The following PCNX4 variants were observed in gnomAD, a reference collection of about 807,000 sequenced individuals.
The protein encoded by PCNX4 is pecanex 4.
Under a neutral mutation model 107.2 loss-of-function variants are expected in PCNX4, and 103 were observed. That is an observed-to-expected ratio of 0.96 (90% CI 0.82 to 1.13). The LOEUF (loss-of-function observed/expected upper bound fraction) is 1.13, where lower values mean the gene tolerates loss of function less well. Ranked by LOEUF, PCNX4 falls within the 50% of genes most tolerant of loss-of-function variation. PCNX4 has a pLI of 0.00. For missense variants in PCNX4, 1,528 were observed against 1,379.4 expected (o/e 1.11, Z -1.71); for synonymous variants, 541 against 481.7 (o/e 1.12, Z -1.61).
At chr14:60,116,783 G>A (rs1271793466) in intron 6 of PCNX4, among the ~76,000 whole-genome samples, 3 of 152,138 alleles carry the variant, frequency 2.0e-5, no homozygotes, top group African/African-American at 7.2e-5. Context: ...CATAGGAGAT[G>A]ACAACTCCAT....
Position 60,147,399 on chromosome 14 carries a change from C to CA in PCNX4, c.*13185dup, listed in dbSNP as rs1194964454. ...AGATTTTAAGTGTTCTCACCACACACAAAAAAAGGTAACTGGGTGACATGT... is the reference window on the plus strand; with the variant it reads ...AGATTTTAAGTGTTCTCACCACACACAAAAAAAAGGTAACTGGGTGACATGT... On this transcript the variant is annotated 3_prime_UTR_variant, in exon 11 of 11. Transcript: ENST00000406854. 2 of 151,860 alleles carry CA rather than the reference C, an allele frequency of 1.3e-5. No homozygotes were observed. Among genetic ancestry groups the CA allele is most frequent in the African/African-American group, 2.4e-5 (1 of 41,348 alleles). The allele number at this position is 151,860 out of a possible 1,614,324, so 9.4% of individuals were successfully genotyped here. A position where few individuals can be genotyped will look rare whatever the true frequency, so the allele number is the denominator to read the frequency against.
At chr14:60,121,355 A>G (rs899970542) in intron 8 of PCNX4, 56 bp downstream of exon 8, 3 of 1,560,688 alleles carry the variant, frequency 1.9e-6, no homozygotes, top group East Asian at 2.3e-5. Context: ...GTAAAATTTT[A>G]CCTGTTATGT....
At position 60,108,045 on chromosome 14, in the gene PCNX4, A is replaced by G. The variant is rs753331079; in HGVS notation, c.407A>G (p.Tyr136Cys). The stretch of plus-strand genomic sequence containing the variant: ...AAATTTCTCATTCCTGGCAAGAAAT[A>G]TGTAGCCAATACAGTTTTTCATTCT... ...TVKFLIPGKK[Y>C]VANTVFHSIL... The change falls in exon 2 of 11, where the codon TAT becomes TGT. Residue 136 changes from tyrosine (Y) to cysteine (C), a missense_variant. Tyr to Cys is a radical substitution (Grantham distance 194). Coordinates refer to ENST00000406854, the MANE Select transcript of PCNX4 (RefSeq NM_001330177.2). 1.8e-5 allele frequency: 29 copies of G among 1,612,790 alleles called. No homozygotes were observed. Among genetic ancestry groups the G allele is most frequent in the Non-Finnish European group, 9.3e-6 (11 of 1,179,890 alleles).
intron 10 of PCNX4, chr14:60,126,055 C>T (rs1271985265): frequency 3.2e-6 from 1 of 315,792 alleles, no homozygotes; most frequent in Non-Finnish European, 5.8e-6. Flanking sequence ...GTTGTGTAGC[C>T]ATAGTGCAAT....
chr14:60,133,924 G>T, intron 10 of PCNX4, 46 bp from the exon 11 acceptor site: 1 of 1,533,410 alleles, frequency 6.5e-7, no homozygotes, highest in South Asian at 1.2e-5. Context: ...GACCTAAATG[G>T]AATCTCTTTT....
intron 2 of PCNX4, chr14:60,110,648 C>G (rs1895723652): frequency 6.0e-6 from 1 of 167,088 alleles, no homozygotes; most frequent in African/African-American, 2.4e-5. Context: ...TTCACAGATT[C>G]ACAGCTGGAG....
At chr14:60,101,224 A>T (rs906780004) in intron 1 of PCNX4, among the ~76,000 whole-genome samples, 1 of 152,166 alleles carries the variant, frequency 6.6e-6, no homozygotes, top group African/African-American at 2.4e-5. Flanking sequence ...AATGTATTTG[A>T]TGTCTTATGC....
Position 60,134,102 on chromosome 14 carries a change from G to A in PCNX4, c.3400G>A (p.Glu1134Lys). ...ACTTTATGCCACAAACGATGATGAA[G>A]AACGTTATAGTATACAAGCTCATCC... ...ELLYATNDDE[E>K]RYSIQAHPLL... The change falls in exon 11 of 11, where the codon GAA becomes AAA. Residue 1134 changes from glutamate to lysine, a missense_variant. Transcript: ENST00000406854. 2 of 1,613,882 alleles carry A rather than the reference G, an allele frequency of 1.2e-6. No homozygotes were observed. The highest frequency in any genetic ancestry group is 8.5e-7 in the Non-Finnish European group (1 of 1,179,812).
chr14:60,129,269 A>G (rs1896111910), intron 10 of PCNX4, among the ~76,000 whole-genome samples: 2 of 151,280 alleles, frequency 1.3e-5, no homozygotes, highest in South Asian at 4.2e-4. Context: ...ATAACATAAC[A>G]AGGCTGGGCA....
intron 6 of PCNX4, among the ~76,000 whole-genome samples, chr14:60,117,197 C>T (rs1192617499): frequency 6.6e-6 from 1 of 152,188 alleles, no homozygotes; most frequent in Non-Finnish European, 1.5e-5. Flanking sequence ...TAGGACTTCA[C>T]ATTCATTCAC....
rs1286041627 is a variant in PCNX4 at position 60,144,284 on chromosome 14, A to G, written c.*10063A>G. 2.0e-5 allele frequency: 3 copies of G among 152,100 alleles called. No homozygotes were observed. Among genetic ancestry groups the G allele is most frequent in the Admixed American group, 1.3e-4 (2 of 15,258 alleles). 9.4% of individuals were successfully genotyped at this position (152,100 alleles called of 1,614,324 possible). On this transcript the variant is annotated 3_prime_UTR_variant, in exon 11 of 11. Coordinates refer to ENST00000406854, the MANE Select transcript of PCNX4 (RefSeq NM_001330177.2). ...TCTTTATATCTGGTCATTACCCAGC[A>G]CTCTGCTTTGTGTGAAATATTCTAT...
rs1896249410 is a variant in PCNX4, at chr14:60,137,113, C to T, written c.*2892C>T. On this transcript the variant is annotated 3_prime_UTR_variant, in exon 11 of 11. Coordinates refer to ENST00000406854, the MANE Select transcript of PCNX4 (RefSeq NM_001330177.2). ...AATCTGCTTAAAGGCATTAGAGAAC[C>T]AAAAGACAGTGAAGAATAACATCAC... 1 of 152,110 alleles carries T rather than the reference C, an allele frequency of 6.6e-6. No individual in the cohort carries two copies. Among genetic ancestry groups the T allele is most frequent in the Admixed American group, 6.5e-5 (1 of 15,280 alleles). 9.4% of individuals were successfully genotyped at this position (152,110 alleles called of 1,614,324 possible).
Position 60,118,479 on chromosome 14 carries a change from T to C in PCNX4, c.1729T>C (p.Leu577=). ...ILNIVFSPFV[L]VIIVFSTLLS... is the part of the protein sequence containing the mutation. ...CAACATTGTCTTTTCTCCATTCGTG[T>C]TGGTCATCATAGTTTTTTCTACACT... Residue 577 remains leucine, a synonymous_variant, in exon 7 of 11, where the codon TTG becomes CTG. Coordinates refer to ENST00000406854, the MANE Select transcript of PCNX4 (RefSeq NM_001330177.2). 6.2e-7 allele frequency: 1 copy of C among 1,613,738 alleles called. No homozygotes were observed. The highest frequency in any genetic ancestry group is 2.2e-5 in the East Asian group (1 of 44,882).
At chr14:60,131,623 C>T (rs1566522098) in intron 10 of PCNX4, among the ~76,000 whole-genome samples, 1 of 152,208 alleles carries the variant, frequency 6.6e-6, no homozygotes, top group African/African-American at 2.4e-5. Context: ...TGGCAATACT[C>T]TCCAAATATA....
chr14:60,114,786 G>A lies in PCNX4; in HGVS notation c.776G>A (p.Gly259Glu), dbSNP rs765494861. ...FVFLPFLWALGTLPPPDALLL... is the reference protein window; with the variant it reads ...FVFLPFLWALETLPPPDALLL... ...TTTTTACCCTTTCTGTGGGCACTTG[G>A]GACTCTGCCCCCACCCGATGCACTT... The change falls in exon 3 of 11, where the codon GGG (glycine) becomes GAG (glutamate). Residue 259 changes from glycine to glutamate, a missense_variant. Physicochemically the swap from Gly to Glu is moderately conservative, Grantham distance 98 (BLOSUM62 -2). Coordinates refer to ENST00000406854, the MANE Select transcript of PCNX4 (RefSeq NM_001330177.2). 2 of 1,613,682 alleles carry A rather than the reference G, an allele frequency of 1.2e-6. No individual in the cohort carries two copies. Among genetic ancestry groups the A allele is most frequent in the Non-Finnish European group, 1.7e-6 (2 of 1,179,818 alleles).
At position 60,118,648 on chromosome 14, in the gene PCNX4, G is replaced by C. The variant is rs753186908; in HGVS notation, c.1898G>C (p.Arg633Thr). 25 of 1,612,634 alleles carry C rather than the reference G, an allele frequency of 1.6e-5. 1 individual carries two copies. In the South Asian group the frequency reaches 2.2e-4, roughly 14 times the overall value. The stretch of plus-strand genomic sequence containing the variant: ...GTGTACTACTACCAAATGGTGCCCA[G>C]GTTGACTGCTGTACTGCAGACTGCA... ...DTVYYYQMVP[R>T]LTAVLQTAMA... Residue 633 changes from arginine (R) to threonine (T), a missense_variant, in exon 7 of 11, where the codon AGG becomes ACG. Transcript: ENST00000406854.
At position 60,115,236 on chromosome 14, in the gene PCNX4, G is replaced by A; in HGVS notation, c.1132G>A (p.Gly378Ser). 1 of 1,613,032 alleles carries A rather than the reference G, an allele frequency of 6.2e-7. No homozygotes were observed. The highest frequency in any genetic ancestry group is 8.5e-7 in the Non-Finnish European group (1 of 1,179,236). The change falls in exon 4 of 11, where the codon GGC (glycine) becomes AGC (serine). Residue 378 changes from glycine (G) to serine (S), a missense_variant. Gly to Ser is a moderately conservative substitution (Grantham distance 56, BLOSUM62 0). Transcript: ENST00000406854. ...LETSLLHHFA[G>S]FSQISKSNSQ... The stretch of plus-strand genomic sequence containing the variant: ...AACTAGCTTGCTTCATCACTTTGCT[G>A]GCTTCTCACAGATTTCTAAAAGCAA...
rs888751121 is a variant in PCNX4 at position 60,091,949 on chromosome 14, T to C, written c.-524T>C. Reference sequence around the variant, plus strand: ...CGTAAAGGCCCGGCCCAAGGGAACGTTCAGGGCGTCTCGGCTTTCCCCGCT... The same window carrying C: ...CGTAAAGGCCCGGCCCAAGGGAACGCTCAGGGCGTCTCGGCTTTCCCCGCT... On this transcript the variant is annotated 5_prime_UTR_variant, in exon 1 of 11. Coordinates refer to ENST00000406854, the MANE Select transcript of PCNX4 (RefSeq NM_001330177.2). 3.9e-5 allele frequency: 6 copies of C among 152,384 alleles called. No individual in the cohort carries two copies. The highest frequency in any genetic ancestry group is 1.4e-4 in the African/African-American group (6 of 41,464). The allele number at this position is 152,384 out of a possible 1,614,324, so 9.4% of individuals were successfully genotyped here.
intron 1 of PCNX4, among the ~76,000 whole-genome samples, chr14:60,096,517 T>TA (rs2067366380): frequency 6.6e-6 from 1 of 152,222 alleles, no homozygotes. Flanking sequence ...AGGTCTGAAT[T>TA]ACTCGTCCTT....
Sources: gnomAD v4.1 joint callset for allele counts (sites outside exome capture counted in the v4.1 genomes callset) on GRCh38, gnomAD v4.1.1 for gene constraint, MANE v1.5 for transcripts, NCBI Gene and HGNC (gene_info 2026-07-23, HGNC 2026-07-21) for gene names.